MBNL1: variants seen among roughly 807,000 people sequenced by gnomAD.
MBNL1 encodes muscleblind-like protein 1.
MBNL1 carries 8 observed loss-of-function variants against 42.2 expected under a neutral mutation model. The observed-to-expected ratio is 0.19, with a 90% confidence interval of 0.11 to 0.34. The LOEUF (loss-of-function observed/expected upper bound fraction) is 0.34. MBNL1 is among the 10% of genes least tolerant of loss of function. MBNL1 has a pLI of 1.00. For synonymous variants in MBNL1, 169 were observed against 173.9 expected (o/e 0.97, Z 0.22); for missense variants, 309 against 495.3 (o/e 0.62, Z 3.57).
chr3:152,309,536 G>T (rs183877676), intron 2 of MBNL1, among the ~76,000 whole-genome samples: 3 of 152,258 alleles, frequency 2.0e-5, no homozygotes, highest in Admixed American at 2.0e-4. Flanking sequence ...AGTCCAGGCT[G>T]TTCTCAAATA....
intron 2 of MBNL1, among the ~76,000 whole-genome samples, chr3:152,337,375 T>A (rs983077205): frequency 4.6e-5 from 7 of 152,142 alleles, no homozygotes; most frequent in Non-Finnish European, 1.0e-4. Context: ...ATGCCAGTAC[T>A]TTGAGAGGCC....
intron 1 of MBNL1, among the ~76,000 whole-genome samples, chr3:152,284,545 G>A (rs1312186927): frequency 6.6e-6 from 1 of 151,846 alleles, no homozygotes; most frequent in Admixed American, 6.6e-5. Flanking sequence ...TGGTGCAAAA[G>A]TAATTGCAGT....
chr3:152,465,658 T>G lies in MBNL1; in HGVS notation c.*3292T>G, dbSNP rs1750215906. 6.6e-6 allele frequency: 1 copy of G among 152,602 alleles called. No individual in the cohort carries two copies. Among genetic ancestry groups the G allele is most frequent in the Non-Finnish European group, 1.5e-5 (1 of 68,026 alleles). 9.5% of individuals were successfully genotyped at this position (152,602 alleles called of 1,614,324 possible). ...ACTTTCTGCTTGTAGTTGCTTAAAATTATGTATTTTGTCTTGGGCTGCAAT... is the reference window on the plus strand; with the variant it reads ...ACTTTCTGCTTGTAGTTGCTTAAAAGTATGTATTTTGTCTTGGGCTGCAAT... On this transcript the variant is annotated 3_prime_UTR_variant, in exon 10 of 10. Coordinates refer to ENST00000324210, the MANE Select transcript of MBNL1 (RefSeq NM_021038.5).
At chr3:152,342,047 G>C (rs898742803) in intron 2 of MBNL1, among the ~76,000 whole-genome samples, 2 of 152,220 alleles carry the variant, frequency 1.3e-5, no homozygotes, top group Admixed American at 1.3e-4. Flanking sequence ...GGTGTAGTTA[G>C]CATTATTTCA....
At chr3:152,246,478 T>C (rs1419493216) in intron 2 of MBNL1, among the ~76,000 whole-genome samples, 1 of 151,914 alleles carries the variant, frequency 6.6e-6, no homozygotes, top group Non-Finnish European at 1.5e-5. Context: ...AAGAAAAAAA[T>C]GAGTGCTCAT....
intron 2 of MBNL1, among the ~76,000 whole-genome samples, chr3:152,329,898 C>T (rs939590320): frequency 1.3e-5 from 2 of 151,496 alleles, no homozygotes; most frequent in Non-Finnish European, 2.9e-5. Flanking sequence ...AAAGGAGTAC[C>T]AATCTCTAAA....
intron 2 of MBNL1, 138 bp downstream of exon 2, chr3:152,300,505 G>A: frequency 4.6e-6 from 3 of 655,868 alleles, no homozygotes; most frequent in Non-Finnish European, 7.0e-6. Context: ...TGTTGGGCTG[G>A]GGAACTTTAC....
chr3:152,417,340 G>T (rs371869011), intron 3 of MBNL1, among the ~76,000 whole-genome samples: 1 of 152,310 alleles, frequency 6.6e-6, no homozygotes, highest in African/African-American at 2.4e-5. Context: ...GACTAATGTG[G>T]AAAAGGGTTG....
In MBNL1 at chr3:152,338,382, T is replaced by C. The variant is rs1324978507; in HGVS notation, c.174+38015T>C. ...TTCTGTGATGGCTGCCTCTAAACCCTTGTGAAAGCGGGGAATATTCCTCCC... is the reference window on the plus strand; with the variant it reads ...TTCTGTGATGGCTGCCTCTAAACCCCTGTGAAAGCGGGGAATATTCCTCCC... On this transcript the variant is annotated intron_variant, in intron 2 of 9. Coordinates refer to ENST00000324210, the MANE Select transcript of MBNL1 (RefSeq NM_021038.5). 5.1e-6 allele frequency: 5 copies of C among 985,272 alleles called. No individual in the cohort carries two copies. The African/African-American group carries it at 8.7e-5, about 17-fold the overall frequency. The allele number at this position is 985,272 out of a possible 1,614,324, so 61.0% of individuals were successfully genotyped here. A position where few individuals can be genotyped will look rare whatever the true frequency, so the allele number is the denominator to read the frequency against.
intron 2 of MBNL1, among the ~76,000 whole-genome samples, chr3:152,404,636 CT>C (rs1560464194): frequency 1.3e-5 from 2 of 151,528 alleles, no homozygotes; most frequent in African/African-American, 2.4e-5. Flanking sequence ...ACATACCATC[CT>C]ATATTACTGT....
intron 1 of MBNL1, among the ~76,000 whole-genome samples, chr3:152,290,873 TC>T (rs1352213059): frequency 6.6e-6 from 1 of 152,184 alleles, no homozygotes; most frequent in East Asian, 1.9e-4. Flanking sequence ...TTGTGTTAGT[TC>T]TACATTGACA....
At position 152,463,573 on chromosome 3, in the gene MBNL1, TA is replaced by T. The variant is rs1748685863; in HGVS notation, c.*1209del. The T allele has an allele frequency of 6.6e-6, 1 of 152,572 alleles. No homozygotes were observed. Among genetic ancestry groups the T allele is most frequent in the African/African-American group, 2.4e-5 (1 of 41,462 alleles). 9.5% of individuals were successfully genotyped at this position (152,572 alleles called of 1,614,324 possible). ...CCAAAATATGAAAATGGGAAATGTTTAATTAACCTAGTAATTGGGTGGGTTA... is the reference window on the plus strand; with the variant it reads ...CCAAAATATGAAAATGGGAAATGTTTATTAACCTAGTAATTGGGTGGGTTA... On this transcript the variant is annotated 3_prime_UTR_variant, in exon 10 of 10. Coordinates refer to ENST00000324210, the MANE Select transcript of MBNL1 (RefSeq NM_021038.5).
chr3:152,399,547 C>T (rs185102836), intron 2 of MBNL1, among the ~76,000 whole-genome samples: 2 of 151,638 alleles, frequency 1.3e-5, no homozygotes, highest in African/African-American at 2.4e-5. Flanking sequence ...GGCTTTTGCT[C>T]TGTCACCCAG....
At chr3:152,419,681 GT>G (rs368332643) in intron 3 of MBNL1, among the ~76,000 whole-genome samples, 10,675 of 119,924 alleles carry the variant, frequency 0.089, 499 homozygotes, top group Middle Eastern at 0.19. Context: ...GGCTGCAGGA[GT>G]TTTTTTGTTT....
chr3:152,292,495 C>T (rs888179064), intron 1 of MBNL1, among the ~76,000 whole-genome samples: 5 of 152,186 alleles, frequency 3.3e-5, no homozygotes, highest in African/African-American at 4.8e-5. Flanking sequence ...AAGACTGCTT[C>T]GACAGAGCTT....
At chr3:152,361,107 A>G (rs1309727840) in intron 2 of MBNL1, among the ~76,000 whole-genome samples, 1 of 152,070 alleles carries the variant, frequency 6.6e-6, no homozygotes, top group Non-Finnish European at 1.5e-5. Flanking sequence ...AAAAAAACCC[A>G]TATACCCAGA....
intron 2 of MBNL1, among the ~76,000 whole-genome samples, chr3:152,363,211 AT>A (rs1377251570): frequency 2.0e-5 from 3 of 148,948 alleles, no homozygotes; most frequent in Admixed American, 6.6e-5. Flanking sequence ...TTTAATATAT[AT>A]TTTTTTCACT....
intron 2 of MBNL1, among the ~76,000 whole-genome samples, chr3:152,330,749 A>G (rs2083825460): frequency 6.6e-6 from 1 of 152,174 alleles, no homozygotes; most frequent in Non-Finnish European, 1.5e-5. Context: ...TTACAGTATA[A>G]TTGTTCTGTT....
chr3:152,456,160 T>C (rs1357746688), intron 7 of MBNL1, 107 bp from the exon 8 acceptor site: 1 of 765,576 alleles, frequency 1.3e-6, no homozygotes, highest in Non-Finnish European at 2.4e-6. Context: ...GTCACATGGC[T>C]TATTGCTGTG....
Sources: gnomAD v4.1 joint callset for allele counts (sites outside exome capture counted in the v4.1 genomes callset) on GRCh38, gnomAD v4.1.1 for gene constraint, MANE v1.5 for transcripts, NCBI Gene and HGNC (gene_info 2026-07-23, HGNC 2026-07-21) for gene names.